PRKN: variants seen among roughly 807,000 people sequenced by gnomAD.
PRKN encodes the protein E3 ubiquitin-protein ligase parkin.
A neutral mutation model predicts 59.5 loss-of-function variants in PRKN; 56 were observed. The observed-to-expected ratio is 0.94, with a 90% CI of 0.76 to 1.18. The LOEUF (loss-of-function observed/expected upper bound fraction) is 1.18, where lower values mean the gene tolerates loss of function less well. Among genes scored for constraint, PRKN ranks in the 50% most tolerant of loss-of-function variants. The pLI, the probability that PRKN is intolerant of heterozygous loss-of-function variation, is 0.00. For missense variants in PRKN, 657 were observed against 596.4 expected (o/e 1.10, Z -1.06); for synonymous variants, 250 against 222.1 (o/e 1.13, Z -1.12).
chr6:161,592,546 C>T lies in PRKN; in HGVS notation c.872-23130G>A, dbSNP rs1255897435. Among the ~76,000 whole-genome samples the T allele has an allele frequency of 6.6e-6, 1 of 152,066 alleles. No individual in the cohort carries two copies. The highest frequency in any genetic ancestry group is 6.6e-5 in the Admixed American group (1 of 15,264). On this transcript the variant is annotated intron_variant, in intron 7 of 11. Transcript: ENST00000366898. This position sits in a 1 kb window ranked among gnomAD's most constrained non-coding sequence, Gnocchi z 4.8. ...GGAACTGGTCTAGATAAGAGGAATA[C>T]AGACGATTAGACACAGTTCCTATGC...
At chr6:161,946,219 G>A (rs929455203) in intron 6 of PRKN, among the ~76,000 whole-genome samples, 3 of 152,132 alleles carry the variant, frequency 2.0e-5, no homozygotes, top group African/African-American at 7.2e-5. Context: ...TACTTTGGAA[G>A]CCTGAAATAG....
chr6:161,805,295 A>G (rs1365863794), intron 6 of PRKN, among the ~76,000 whole-genome samples: 6 of 152,198 alleles, frequency 3.9e-5, no homozygotes, highest in African/African-American at 1.4e-4. Flanking sequence ...GCTTATTTCC[A>G]TATCGTGTCA....
chr6:162,601,855 C>T (rs1781726239), intron 1 of PRKN, among the ~76,000 whole-genome samples: 1 of 152,144 alleles, frequency 6.6e-6, no homozygotes, highest in African/African-American at 2.4e-5. Flanking sequence ...CCATCAGTGT[C>T]ATTTATGAAT....
intron 7 of PRKN, among the ~76,000 whole-genome samples, chr6:161,723,366 T>C (rs980496326): frequency 3.9e-5 from 6 of 152,168 alleles, no homozygotes; most frequent in Non-Finnish European, 2.9e-5. Flanking sequence ...CATGGTAATA[T>C]GTTTATGTTT....
intron 4 of PRKN, among the ~76,000 whole-genome samples, chr6:162,193,990 CAT>C (rs1195920574): frequency 6.6e-6 from 1 of 152,120 alleles, no homozygotes; most frequent in East Asian, 1.9e-4. Context: ...TTAAAAGAAA[CAT>C]ATTTTTGGTA....
intron 7 of PRKN, among the ~76,000 whole-genome samples, chr6:161,754,975 G>A (rs1046988407): frequency 9.2e-5 from 14 of 152,168 alleles, no homozygotes; most frequent in African/African-American, 3.4e-4. Context: ...TAGTCCCAGG[G>A]TGCCAGTATC....
chr6:162,043,131 C>T (rs1426748061), intron 5 of PRKN, among the ~76,000 whole-genome samples: 1 of 152,112 alleles, frequency 6.6e-6, no homozygotes. Flanking sequence ...CATCAGATCT[C>T]GTGAGACTTA....
At chr6:162,342,375 C>T (rs144934899) in intron 2 of PRKN, among the ~76,000 whole-genome samples, 36 of 152,280 alleles carry the variant, frequency 2.4e-4, no homozygotes, top group African/African-American at 8.4e-4. Flanking sequence ...TAATAAGACC[C>T]TGAATAAGCT....
At position 161,548,728 on chromosome 6, in the gene PRKN, A is replaced by G. The variant is rs1246836760; in HGVS notation, c.1083+126T>C. The G allele has an allele frequency of 5.9e-6, 5 of 852,262 alleles. No homozygotes were observed. In the Admixed American group the frequency reaches 1.2e-4, roughly 20 times the overall value. 52.8% of individuals were successfully genotyped at this position (852,262 alleles called of 1,614,324 possible). On this transcript the variant is annotated intron_variant, in intron 9 of 11. Transcript: ENST00000366898. The surrounding 1 kb of genome is among the most constrained non-coding windows in gnomAD (Gnocchi z 4.2). ...AGGAATTTAAAATCTATTTTCTTAT[A>G]TGTAAGTTCAAAGATGTCTAAGTCC...
intron 1 of PRKN, among the ~76,000 whole-genome samples, chr6:162,500,192 T>C (rs1271947971): frequency 6.8e-6 from 1 of 146,068 alleles, no homozygotes; most frequent in Non-Finnish European, 1.5e-5. Context: ...TTTTTTTTGG[T>C]GACAGAGTTT....
intron 6 of PRKN, among the ~76,000 whole-genome samples, chr6:161,851,556 A>G (rs11758859): frequency 0.11 from 16,527 of 151,460 alleles, 1,098 homozygotes; most frequent in East Asian, 0.33. Context: ...ATCTCAGCTC[A>G]CTGCAATCTC....
In PRKN at chr6:161,456,402, G is replaced by A. The variant is rs766466389; in HGVS notation, c.1084-69525C>T. 2.6e-5 allele frequency among the ~76,000 whole-genome samples: 4 copies of A among 152,142 alleles called. No individual in the cohort carries two copies. Among genetic ancestry groups the A allele is most frequent in the Non-Finnish European group, 4.4e-5 (3 of 68,016 alleles). On this transcript the variant is annotated intron_variant, in intron 9 of 11. Coordinates refer to ENST00000366898, the MANE Select transcript of PRKN (RefSeq NM_004562.3). This position sits in a 1 kb window ranked among gnomAD's most constrained non-coding sequence, Gnocchi z 4.8. Reference sequence around the variant, plus strand: ...TGGACCTACACCAGTGGTTTGCCAGGGGCTCTCAGGCCTTTGGCCACAGAC... The same window carrying A: ...TGGACCTACACCAGTGGTTTGCCAGAGGCTCTCAGGCCTTTGGCCACAGAC...
chr6:162,317,124 C>T (rs1782784452), intron 2 of PRKN, among the ~76,000 whole-genome samples: 1 of 151,984 alleles, frequency 6.6e-6, no homozygotes, highest in East Asian at 2.0e-4. Context: ...ACCAATAAAG[C>T]CTCAACCATT....
chr6:161,485,697 T>C (rs1791615905), intron 9 of PRKN, among the ~76,000 whole-genome samples: 1 of 151,950 alleles, frequency 6.6e-6, no homozygotes, highest in Non-Finnish European at 1.5e-5. Flanking sequence ...CTTGAGAGAA[T>C]GAAGAAAATT....
At chr6:162,379,904 G>C (rs1786335028) in intron 2 of PRKN, among the ~76,000 whole-genome samples, 2 of 152,172 alleles carry the variant, frequency 1.3e-5, no homozygotes, top group Non-Finnish European at 2.9e-5. Flanking sequence ...TGCCGGCAGA[G>C]AGGTTGAATT....
At chr6:162,196,537 C>T (rs545605908) in intron 4 of PRKN, among the ~76,000 whole-genome samples, 106 of 152,174 alleles carry the variant, frequency 7.0e-4, no homozygotes, top group African/African-American at 2.5e-3. Context: ...TATTGTTCAC[C>T]GTTTTCCAGT....
chr6:161,990,204 T>A (rs1036010208), intron 5 of PRKN, among the ~76,000 whole-genome samples: 1 of 151,950 alleles, frequency 6.6e-6, no homozygotes, highest in Non-Finnish European at 1.5e-5. Context: ...GGTGTCCCTG[T>A]CCCCACAAAA....
intron 6 of PRKN, 57 bp from the exon 7 acceptor site, chr6:161,785,965 C>G: frequency 6.3e-7 from 1 of 1,587,804 alleles, no homozygotes; most frequent in Non-Finnish European, 8.6e-7. Context: ...AAAGGCAGCA[C>G]GTGCTTTAGA....
intron 1 of PRKN, among the ~76,000 whole-genome samples, chr6:162,612,151 C>A (rs1782206012): frequency 6.9e-6 from 1 of 145,562 alleles, no homozygotes; most frequent in Non-Finnish European, 1.5e-5. Flanking sequence ...TGAGATCGCG[C>A]CACTGCACTC....
Sources: gnomAD v4.1 joint callset for allele counts (sites outside exome capture counted in the v4.1 genomes callset) on GRCh38, gnomAD v4.1.1 for gene constraint, Gnocchi (gnomAD v3.1) non-coding constraint, MANE v1.5 for transcripts, NCBI Gene and HGNC (gene_info 2026-07-23, HGNC 2026-07-21) for gene names.